Variants in DAB1 observed in about 807,000 individuals in gnomAD.
DAB1 encodes DAB adaptor protein 1, also known as disabled homolog 1.
A neutral mutation model predicts 64.6 loss-of-function variants in DAB1; 15 were observed. The observed-to-expected ratio is 0.23, with a 90% CI of 0.16 to 0.36. The LOEUF is 0.36. DAB1 is among the 10% of genes least tolerant of loss of function. DAB1 has a pLI of 1.00. For synonymous variants in DAB1, 235 were observed against 251.9 expected (o/e 0.93, Z 0.64); for missense variants, 596 against 706.7 (o/e 0.84, Z 1.78).
intron 5 of DAB1, among the ~76,000 whole-genome samples, chr1:58,092,065 G>A (rs1184994137): frequency 6.6e-6 from 1 of 151,886 alleles, no homozygotes; most frequent in Non-Finnish European, 1.5e-5. Context: ...CACCGGGAGC[G>A]ATGGCTCACA....
At chr1:57,816,980 G>A (rs1258872098) in intron 6 of DAB1, among the ~76,000 whole-genome samples, 4 of 152,054 alleles carry the variant, frequency 2.6e-5, no homozygotes, top group South Asian at 4.1e-4. Context: ...CCCTCAAGAC[G>A]AAATTATCTC....
At chr1:57,359,686 C>T (rs147201937) in intron 1 of DAB1, among the ~76,000 whole-genome samples, 253 of 151,984 alleles carry the variant, frequency 1.7e-3, no homozygotes, top group African/African-American at 6.0e-3. Flanking sequence ...CGGAGACAAC[C>T]TAAGTGTCCA....
chr1:57,396,373 T>A (rs1165300195), intron 1 of DAB1, among the ~76,000 whole-genome samples: 1 of 152,218 alleles, frequency 6.6e-6, no homozygotes, highest in African/African-American at 2.4e-5. Context: ...AAGCTGTTTT[T>A]TTGTTTTGTT....
chr1:57,840,385 G>A (rs1232958165), intron 1 of DAB1, among the ~76,000 whole-genome samples: 4 of 152,288 alleles, frequency 2.6e-5, no homozygotes, highest in Admixed American at 6.5e-5. Flanking sequence ...TGTGAGATCA[G>A]CATATCCAAA....
intron 14 of DAB1, among the ~76,000 whole-genome samples, chr1:57,005,680 A>G (rs1036515644): frequency 6.6e-6 from 1 of 152,224 alleles, no homozygotes; most frequent in African/African-American, 2.4e-5. Context: ...ATGTGATGCT[A>G]TTAAAACCCA....
In DAB1 at chr1:57,050,767, A is replaced by G. The variant is rs547864104; in HGVS notation, c.723+12117T>C. 3.9e-5 allele frequency among the ~76,000 whole-genome samples: 6 copies of G among 152,356 alleles called. No homozygotes were observed. In the South Asian group the frequency reaches 1.2e-3, roughly 32 times the overall value. ...TTTATAGGTCTATCTCCTTGAGACC[A>G]TGACAATTCTAAAGCAGCCTATCTT... is the stretch of plus-strand genomic sequence containing the variant. On this transcript the variant is annotated intron_variant, in intron 9 of 14. Transcript: ENST00000371236.
intron 4 of DAB1, among the ~76,000 whole-genome samples, chr1:58,247,485 A>G (rs542943490): frequency 2.2e-4 from 33 of 152,302 alleles, no homozygotes; most frequent in African/African-American, 7.5e-4. Flanking sequence ...CAGCACCAAC[A>G]GCACACCAAC....
intron 5 of DAB1, among the ~76,000 whole-genome samples, chr1:58,144,442 G>A (rs1289380670): frequency 6.6e-6 from 1 of 152,156 alleles, no homozygotes; most frequent in Non-Finnish European, 1.5e-5. Flanking sequence ...CATCTATCAA[G>A]TCCATTAATC....
At chr1:58,137,360 C>T (rs1341388541) in intron 5 of DAB1, among the ~76,000 whole-genome samples, 1 of 152,226 alleles carries the variant, frequency 6.6e-6, no homozygotes, top group Admixed American at 6.5e-5. Flanking sequence ...GTCTACTGCA[C>T]ATCCCATTAC....
At chr1:58,020,938 G>A (rs1439927926) in intron 5 of DAB1, among the ~76,000 whole-genome samples, 2 of 152,180 alleles carry the variant, frequency 1.3e-5, no homozygotes, top group African/African-American at 4.8e-5. Context: ...AGGAGGTGGA[G>A]GTTTCAGTGA....
At chr1:58,487,390 G>A (rs977832970) in intron 3 of DAB1, among the ~76,000 whole-genome samples, 8 of 152,196 alleles carry the variant, frequency 5.3e-5, no homozygotes, top group Non-Finnish European at 7.4e-5. Context: ...ATATAATATC[G>A]TATTGTCAAT....
chr1:57,625,544 G>C (rs1195351129), intron 7 of DAB1, among the ~76,000 whole-genome samples: 1 of 152,188 alleles, frequency 6.6e-6, no homozygotes. Context: ...TGGCAAAACA[G>C]TGTTTAGCAC....
At chr1:57,761,966 G>A (rs774726026) in intron 6 of DAB1, among the ~76,000 whole-genome samples, 6 of 152,078 alleles carry the variant, frequency 3.9e-5, no homozygotes, top group Admixed American at 6.5e-5. Flanking sequence ...TGTACCCACC[G>A]TGCCCACAGA....
At chr1:57,841,387 T>G (rs1217436184) in intron 1 of DAB1, among the ~76,000 whole-genome samples, 1 of 152,200 alleles carries the variant, frequency 6.6e-6, no homozygotes, top group South Asian at 2.1e-4. Context: ...GATGGCCGTC[T>G]TCTCACAGCT....
chr1:57,970,387 T>TG (rs148148524), intron 5 of DAB1, among the ~76,000 whole-genome samples: 2,902 of 152,224 alleles, frequency 0.019, 48 homozygotes, highest in East Asian at 0.039. Flanking sequence ...GCTTTGCCAG[T>TG]GGGGGTCACC....
At chr1:57,237,431 A>G (rs1668176010) in intron 2 of DAB1, among the ~76,000 whole-genome samples, 1 of 152,224 alleles carries the variant, frequency 6.6e-6, no homozygotes, top group Admixed American at 6.5e-5. Context: ...TTCATCCAAA[A>G]GAATTTGTTT....
At chr1:58,342,288 A>C (rs1343093852) in intron 4 of DAB1, among the ~76,000 whole-genome samples, 1 of 152,090 alleles carries the variant, frequency 6.6e-6, no homozygotes, top group East Asian at 1.9e-4. Flanking sequence ...GAATCTGGGG[A>C]ACTTTGGAGG....
intron 4 of DAB1, among the ~76,000 whole-genome samples, chr1:58,180,253 G>A (rs182559385): frequency 7.4e-6 from 1 of 135,410 alleles, no homozygotes; most frequent in African/African-American, 2.8e-5. Context: ...AATGGTCTGA[G>A]ATCTTTCTTT....
At chr1:57,655,857 C>T (rs143884899) in intron 6 of DAB1, among the ~76,000 whole-genome samples, 1 of 152,090 alleles carries the variant, frequency 6.6e-6, no homozygotes, top group African/African-American at 2.4e-5. Context: ...GTTGAAGAAC[C>T]TCTACCCCTA....
Sources: allele counts gnomAD v4.1 joint callset (sites outside exome capture counted in the v4.1 genomes callset), GRCh38; gene constraint gnomAD v4.1.1; transcripts MANE v1.5; gene names NCBI Gene and HGNC (gene_info 2026-07-23, HGNC 2026-07-21).